Variants in CCSER1 observed in about 807,000 individuals in gnomAD.
The protein encoded by CCSER1 is coiled-coil serine rich protein 1.
A neutral mutation model predicts 82.0 loss-of-function variants in CCSER1; 41 were observed. The observed-to-expected ratio is 0.50, with a 90% CI of 0.39 to 0.65. CCSER1 has a LOEUF of 0.65. CCSER1 is among the 30% of genes least tolerant of loss of function. CCSER1 has a pLI of 0.00. For missense variants in CCSER1, 1,119 were observed against 1,064.2 expected, an observed-to-expected ratio of 1.05 and a Z score of -0.72; for synonymous variants, 414 against 383.9, an observed-to-expected ratio of 1.08 and a Z score of -0.92.
chr4:91,507,681 T>TA (rs1478599164), intron 10 of CCSER1, among the ~76,000 whole-genome samples: 2 of 151,614 alleles, frequency 1.3e-5, no homozygotes, highest in East Asian at 3.9e-4. Flanking sequence ...TATAACTTAA[T>TA]TTTTTTTCTC....
chr4:91,375,280 G>C (rs1325266001), intron 10 of CCSER1, among the ~76,000 whole-genome samples: 1 of 152,168 alleles, frequency 6.6e-6, no homozygotes, highest in Non-Finnish European at 1.5e-5. Flanking sequence ...AGTGGATCCT[G>C]AAGATATGAC....
chr4:90,172,904 T>A (rs1438462623), intron 1 of CCSER1, among the ~76,000 whole-genome samples: 2 of 151,904 alleles, frequency 1.3e-5, no homozygotes, highest in Non-Finnish European at 2.9e-5. Context: ...AAATCTGCAA[T>A]AATTTGTGAT....
chr4:91,307,234 A>G (rs1045085543), intron 10 of CCSER1, among the ~76,000 whole-genome samples: 1 of 151,888 alleles, frequency 6.6e-6, no homozygotes, highest in Non-Finnish European at 1.5e-5. Flanking sequence ...CTGTGTAGTA[A>G]TTTTTCATGA....
chr4:90,505,947 T>C (rs2153614180), intron 5 of CCSER1, among the ~76,000 whole-genome samples: 1 of 152,304 alleles, frequency 6.6e-6, no homozygotes, highest in Non-Finnish European at 1.5e-5. Context: ...GTAAAATTTC[T>C]CCCCCTCTCT....
At chr4:90,740,109 A>G (rs1423775439) in intron 7 of CCSER1, among the ~76,000 whole-genome samples, 1 of 152,196 alleles carries the variant, frequency 6.6e-6, no homozygotes, top group Non-Finnish European at 1.5e-5. Flanking sequence ...GGAAATTTCC[A>G]TTAAATGTCA....
intron 6 of CCSER1, among the ~76,000 whole-genome samples, chr4:90,690,050 G>A (rs979001009): frequency 1.3e-5 from 2 of 152,088 alleles, no homozygotes; most frequent in African/African-American, 2.4e-5. Flanking sequence ...CACAGAGCTG[G>A]CCAAATTGTG....
At chr4:90,942,747 G>A (rs1731744170) in intron 9 of CCSER1, among the ~76,000 whole-genome samples, 2 of 151,678 alleles carry the variant, frequency 1.3e-5, no homozygotes, top group Non-Finnish European at 2.9e-5. Flanking sequence ...AAAATGGCAG[G>A]TGAATGCTAA....
intron 10 of CCSER1, among the ~76,000 whole-genome samples, chr4:91,283,074 ATTTAC>A (rs1252217950): frequency 6.6e-6 from 1 of 151,964 alleles, no homozygotes; most frequent in African/African-American, 2.4e-5. Flanking sequence ...TGAGATTTTT[ATTTAC>A]TTAATGTTTT....
intron 3 of CCSER1, among the ~76,000 whole-genome samples, chr4:90,334,166 C>G (rs1358011563): frequency 6.6e-6 from 1 of 151,974 alleles, no homozygotes; most frequent in African/African-American, 2.4e-5. Context: ...TGCGATAATG[C>G]ACAAAGTATT....
intron 4 of CCSER1, among the ~76,000 whole-genome samples, chr4:90,430,219 C>G (rs1269731766): frequency 6.6e-6 from 1 of 151,820 alleles, no homozygotes; most frequent in Non-Finnish European, 1.5e-5. Context: ...ATAAGTTATG[C>G]AAGTGAATAT....
rs138758540 is a variant in CCSER1 at position 90,777,963 on chromosome 4, G to A, written c.2011-37799G>A. Among the ~76,000 whole-genome samples, 500 of 152,126 alleles carry A rather than the reference G, an allele frequency of 3.3e-3. 2 individuals carry two copies. Among genetic ancestry groups the A allele is most frequent in the African/African-American group, 0.011 (468 of 41,494 alleles). ...ATATGTTCAGAGTGCCTGGCATACA[G>A]TTAAAACCAAATAAATATTTGTTGA... On this transcript the variant is annotated intron_variant, in intron 7 of 10. Coordinates refer to ENST00000509176, the MANE Select transcript of CCSER1 (RefSeq NM_001145065.2).
intron 6 of CCSER1, among the ~76,000 whole-genome samples, chr4:90,656,009 T>G (rs2149070894): frequency 6.6e-6 from 1 of 152,094 alleles, no homozygotes; most frequent in South Asian, 2.1e-4. Flanking sequence ...AAGTAGAGAA[T>G]AATTTAATTT....
intron 9 of CCSER1, among the ~76,000 whole-genome samples, chr4:91,015,154 TATA>T (rs879509958): frequency 9.2e-5 from 14 of 152,094 alleles, no homozygotes; most frequent in Non-Finnish European, 1.8e-4. Flanking sequence ...GTAATGTGAG[TATA>T]ATAACATTGC....
intron 10 of CCSER1, among the ~76,000 whole-genome samples, chr4:91,268,595 C>T (rs552517715): frequency 1.3e-5 from 2 of 152,184 alleles, no homozygotes; most frequent in East Asian, 3.9e-4. Flanking sequence ...TTTGTGTGAG[C>T]AACAAGGCTG....
intron 10 of CCSER1, among the ~76,000 whole-genome samples, chr4:91,181,296 AAGACAATAC>A (rs1289187140): frequency 2.6e-5 from 4 of 152,220 alleles, no homozygotes; most frequent in African/African-American, 4.8e-5. Flanking sequence ...AGACTACCCA[AAGACAATAC>A]AGATTAAAAG....
intron 7 of CCSER1, among the ~76,000 whole-genome samples, chr4:90,737,685 T>G (rs1745886359): frequency 6.6e-6 from 1 of 152,184 alleles, no homozygotes; most frequent in Non-Finnish European, 1.5e-5. Flanking sequence ...TATGTTATTG[T>G]CCATACCTTA....
At chr4:91,010,186 G>GT (rs997316368) in intron 9 of CCSER1, among the ~76,000 whole-genome samples, 87 of 151,800 alleles carry the variant, frequency 5.7e-4, no homozygotes, top group African/African-American at 1.9e-3. Flanking sequence ...AAGTGGCAGG[G>GT]TTTTTTTTGT....
intron 9 of CCSER1, among the ~76,000 whole-genome samples, chr4:91,080,693 G>T (rs947410574): frequency 2.0e-5 from 3 of 152,064 alleles, no homozygotes; most frequent in Non-Finnish European, 4.4e-5. Flanking sequence ...GAAGAAAAAA[G>T]AGAAGAATCA....
At chr4:91,153,153 G>T (rs1730421271) in intron 10 of CCSER1, among the ~76,000 whole-genome samples, 1 of 151,934 alleles carries the variant, frequency 6.6e-6, no homozygotes, top group Admixed American at 6.6e-5. Context: ...ATACCAATCA[G>T]ATGTAGATTT....
Sources: allele counts gnomAD v4.1 joint callset (sites outside exome capture counted in the v4.1 genomes callset), GRCh38; gene constraint gnomAD v4.1.1; transcripts MANE v1.5; gene names NCBI Gene and HGNC (gene_info 2026-07-23, HGNC 2026-07-21).